GTF2IRD1: variants seen among roughly 807,000 people sequenced by gnomAD.
GTF2IRD1 encodes GTF2I repeat domain containing 1, also known as general transcription factor II-I repeat domain-containing protein 1.
In GTF2IRD1, 26 loss-of-function variants were observed where a neutral mutation model predicts 113.2. The observed-to-expected ratio is 0.23, with a 90% confidence interval of 0.17 to 0.32. The LOEUF is 0.32. Ranked by LOEUF, GTF2IRD1 falls within the 10% of genes least tolerant of loss-of-function variation. GTF2IRD1 has a pLI of 1.00. For missense variants in GTF2IRD1, 864 were observed against 1,280.8 expected (o/e 0.67, Z 4.97); for synonymous variants, 484 against 529.1 (o/e 0.91, Z 1.17).
At chr7:74,472,692 C>T (rs369849089) in intron 1 of GTF2IRD1, among the ~76,000 whole-genome samples, 148 of 152,306 alleles carry the variant, frequency 9.7e-4, no homozygotes, top group African/African-American at 3.4e-3. Context: ...GCGGAGATTG[C>T]AGTGAGCCGA....
At chr7:74,502,071 C>T (rs543415969) in intron 1 of GTF2IRD1, among the ~76,000 whole-genome samples, 28 of 152,256 alleles carry the variant, frequency 1.8e-4, no homozygotes, top group Admixed American at 1.8e-3. Context: ...CTCAGCCTCC[C>T]AAGTAGCTGG....
chr7:74,464,217 A>G (rs1466939433), intron 1 of GTF2IRD1, among the ~76,000 whole-genome samples: 3 of 152,130 alleles, frequency 2.0e-5, no homozygotes, highest in African/African-American at 7.2e-5. Flanking sequence ...GCTGAGCCTC[A>G]GTTTGACCCT....
chr7:74,582,097 G>A (rs1326269578), intron 22 of GTF2IRD1, among the ~76,000 whole-genome samples: 2 of 152,338 alleles, frequency 1.3e-5, no homozygotes, highest in Admixed American at 1.3e-4. Flanking sequence ...ACCAGGGTGC[G>A]TGGGCGAGCT....
At chr7:74,519,263 G>T in intron 5 of GTF2IRD1, 146 bp from the exon 6 acceptor site, 1 of 562,476 alleles carries the variant, frequency 1.8e-6, no homozygotes. Context: ...ATCCCCACTT[G>T]TGAAGTGGAA....
intron 7 of GTF2IRD1, among the ~76,000 whole-genome samples, chr7:74,522,180 A>G (rs782384135): frequency 4.6e-5 from 7 of 152,042 alleles, no homozygotes; most frequent in Non-Finnish European, 1.0e-4. Context: ...AGCCAGAAAC[A>G]TGATCCAGCC....
intron 14 of GTF2IRD1, among the ~76,000 whole-genome samples, chr7:74,541,070 AAT>A (rs1259486364): frequency 6.6e-6 from 1 of 151,622 alleles, no homozygotes; most frequent in African/African-American, 2.4e-5. Context: ...TGCCTCAACA[AAT>A]ATTTATTGAG....
rs548344559 is a variant in GTF2IRD1, at chr7:74,466,351, G to A, written c.-7+12175G>A. 6.0e-4 allele frequency among the ~76,000 whole-genome samples: 92 copies of A among 152,272 alleles called. 2 individuals are homozygous for A. Among genetic ancestry groups the A allele is most frequent in the South Asian group, 2.1e-3 (10 of 4,816 alleles). On this transcript the variant is annotated intron_variant, in intron 1 of 26. Transcript: ENST00000424337. ...AGAAGCGTAGGGCCAGAGACAGGAC[G>A]TGACGGTGGGGCTGCTGCATTGGCT...
chr7:74,479,095 C>G (rs2117089789), intron 1 of GTF2IRD1, among the ~76,000 whole-genome samples: 1 of 152,254 alleles, frequency 6.6e-6, no homozygotes, highest in South Asian at 2.1e-4. Flanking sequence ...TCATGCCTGG[C>G]TGTCTCTGGC....
chr7:74,495,499 C>T (rs1795605383), intron 1 of GTF2IRD1, among the ~76,000 whole-genome samples: 1 of 152,210 alleles, frequency 6.6e-6, no homozygotes, highest in Admixed American at 6.5e-5. Flanking sequence ...TTCTTCCAAA[C>T]TTGCATCAAC....
intron 23 of GTF2IRD1, 43 bp downstream of exon 23, chr7:74,589,971 C>A: frequency 1.5e-6 from 2 of 1,333,568 alleles, no homozygotes; most frequent in South Asian, 1.2e-5. Context: ...GCCCTCCTCC[C>A]GGGGGTGGTG....
At position 74,501,632 on chromosome 7, in the gene GTF2IRD1, AGTTT is replaced by A. The variant is rs782113982; in HGVS notation, c.-6-6426_-6-6423del. On this transcript the variant is annotated intron_variant, in intron 1 of 26. Coordinates refer to ENST00000424337, the MANE Select transcript of GTF2IRD1 (RefSeq NM_005685.4). ...TCTAAGGTGGTGGATGGGGGAGGGG[AGTTT>A]GTTTGTTTGTTTGTTTTGGTTTTTT... 1.9e-4 allele frequency among the ~76,000 whole-genome samples: 28 copies of A among 151,028 alleles called. No individual in the cohort carries two copies. In the South Asian group the frequency reaches 2.7e-3, roughly 15 times the overall value.
intron 1 of GTF2IRD1, among the ~76,000 whole-genome samples, chr7:74,501,053 AGAG>A (rs1796000611): frequency 6.6e-6 from 1 of 152,130 alleles, no homozygotes; most frequent in Non-Finnish European, 1.5e-5. Flanking sequence ...CTTGGGGAGA[AGAG>A]GAGGGGAGGG....
chr7:74,462,550 TGCCACATACCTCTA>T (rs1793441088), intron 1 of GTF2IRD1, among the ~76,000 whole-genome samples: 1 of 152,228 alleles, frequency 6.6e-6, no homozygotes, highest in Admixed American at 6.5e-5. Flanking sequence ...GGTGTGGATA[TGCCACATACCTCTA>T]GCCACTCTCC....
intron 17 of GTF2IRD1, 146 bp downstream of exon 17, chr7:74,547,432 GC>G: frequency 1.9e-6 from 1 of 524,254 alleles, no homozygotes; most frequent in South Asian, 2.5e-5. Flanking sequence ...GTGCCACCAT[GC>G]CCAGCCTTTT....
intron 26 of GTF2IRD1, 149 bp from the exon 27 acceptor site, chr7:74,602,216 T>C: frequency 1.1e-6 from 1 of 912,064 alleles, no homozygotes; most frequent in South Asian, 2.6e-5. Context: ...CACTCCAGCC[T>C]GGGCAGAAGA....
intron 1 of GTF2IRD1, among the ~76,000 whole-genome samples, chr7:74,464,286 G>A (rs1793572792): frequency 6.6e-6 from 1 of 152,210 alleles, no homozygotes. Context: ...CATGAATGAA[G>A]CAGGGGAGCC....
chr7:74,570,544 C>T (rs1342555575), intron 22 of GTF2IRD1, among the ~76,000 whole-genome samples: 1 of 151,952 alleles, frequency 6.6e-6, no homozygotes, highest in African/African-American at 2.4e-5. Context: ...GTCTCAGGTA[C>T]TCGGGAGGCT....
intron 1 of GTF2IRD1, among the ~76,000 whole-genome samples, chr7:74,456,656 C>T (rs1554327375): frequency 1.3e-5 from 2 of 151,780 alleles, no homozygotes; most frequent in African/African-American, 4.8e-5. Context: ...GTACTCCAGC[C>T]TGGGCAACAG....
chr7:74,562,187 C>G (rs782307672), intron 22 of GTF2IRD1, among the ~76,000 whole-genome samples: 1 of 152,180 alleles, frequency 6.6e-6, no homozygotes, highest in African/African-American at 2.4e-5. Context: ...GGGCCAGCAC[C>G]GGCAGTTCCA....
Sources: gnomAD v4.1 joint callset for allele counts (sites outside exome capture counted in the v4.1 genomes callset) on GRCh38, gnomAD v4.1.1 for gene constraint, MANE v1.5 for transcripts, NCBI Gene and HGNC (gene_info 2026-07-23, HGNC 2026-07-21) for gene names.